PER2: variants seen among roughly 807,000 people sequenced by gnomAD.
PER2 encodes period circadian regulator 2.
Under a neutral mutation model 121.0 loss-of-function variants are expected in PER2, and 66 were observed. The observed-to-expected ratio is 0.55, with a 90% CI of 0.45 to 0.67. The LOEUF is 0.67. Among genes scored for constraint, PER2 ranks in the 30% least tolerant of loss-of-function variants. PER2 has a pLI of 0.00. For missense variants in PER2, 1,521 were observed against 1,635.0 expected, an observed-to-expected ratio of 0.93 and a Z score of 1.20; for synonymous variants, 684 against 659.9, an observed-to-expected ratio of 1.04 and a Z score of -0.56.
intron 4 of PER2, among the ~76,000 whole-genome samples, chr2:238,274,601 T>C (rs1559334015): frequency 6.6e-6 from 1 of 152,202 alleles, no homozygotes; most frequent in Admixed American, 6.5e-5. Context: ...ATGGACATAA[T>C]CACTGGAGAA....
Position 238,262,977 on chromosome 2 carries a change from G to C in PER2, c.1128C>G (p.Pro376=). ...VLVQLHPSDR[P]LMLAIHKKIL... is the part of the protein sequence containing the mutation. ...TCTTTTTGTGGATGGCCAGCATCAA[G>C]GGCCTGTCACTAGGGTGGAGCTGCA... is the stretch of plus-strand genomic sequence containing the variant. Residue 376 remains proline (P), a synonymous_variant, in exon 10 of 23, where the codon CCC becomes CCG. Coordinates refer to ENST00000254657, the MANE Select transcript of PER2 (RefSeq NM_022817.3). The C allele has an allele frequency of 6.2e-7, 1 of 1,613,312 alleles. No individual in the cohort carries two copies. Among genetic ancestry groups the C allele is most frequent in the South Asian group, 1.1e-5 (1 of 91,060 alleles).
At chr2:238,288,321 G>C (rs1053213180) in intron 1 of PER2, 28 bp downstream of exon 1, 9 of 152,112 alleles carry the variant, frequency 5.9e-5, no homozygotes, top group African/African-American at 2.2e-4. Flanking sequence ...TCACTCGGTA[G>C]CTCGGTGCCC....
Position 238,271,518 on chromosome 2 carries a change from AAAGG to A in PER2, c.571-9_571-6del. The stretch of plus-strand genomic sequence containing the variant: ...CACGGCCACCGCAAACATATCCTGA[AAAGG>A]AAGAGTAGGGCTCTGATGACAAGGT... On this transcript the variant is annotated splice_polypyrimidine_tract_variant and splice_region_variant and intron_variant, in intron 5 of 22. Coordinates refer to ENST00000254657, the MANE Select transcript of PER2 (RefSeq NM_022817.3). The A allele has an allele frequency of 6.2e-7, 1 of 1,607,976 alleles. No homozygotes were observed. The highest frequency in any genetic ancestry group is 8.5e-7 in the Non-Finnish European group (1 of 1,175,528).
At position 238,275,880 on chromosome 2, in the gene PER2, T is replaced by G. The variant is rs777381972; in HGVS notation, c.311A>C (p.Lys104Thr). The change falls in exon 4 of 23, where the codon AAA becomes ACA. Residue 104 changes from lysine to threonine, a missense_variant. By Grantham distance (78) the Lys-to-Thr change is moderately conservative (BLOSUM62 -1). Coordinates refer to ENST00000254657, the MANE Select transcript of PER2 (RefSeq NM_022817.3). ...TATCAGTTCTTTGTGTGTGTCCACT[T>G]TCGAAGACTGGTCGCTACTGCAGGA... ...TSGCSSDQSS[K>T]VDTHKELIKT... The G allele has an allele frequency of 8.1e-6, 13 of 1,614,220 alleles. No individual in the cohort carries two copies. The highest frequency in any genetic ancestry group is 1.0e-5 in the Non-Finnish European group (12 of 1,180,028).
intron 1 of PER2, among the ~76,000 whole-genome samples, chr2:238,286,649 T>C (rs1696797709): frequency 6.6e-6 from 1 of 152,212 alleles, no homozygotes; most frequent in South Asian, 2.1e-4. Context: ...TGGCTCCCTC[T>C]GCCAAACAGA....
chr2:238,266,088 T>G (rs191995400), intron 8 of PER2, among the ~76,000 whole-genome samples: 1 of 150,432 alleles, frequency 6.6e-6, no homozygotes, highest in Non-Finnish European at 1.5e-5. Flanking sequence ...TATTTTTAGT[T>G]GAGGTGGGGT....
At position 238,250,435 on chromosome 2, in the gene PER2, A is replaced by C. The variant is rs149057445; in HGVS notation, c.3467+116T>G. 1.6e-4 allele frequency: 119 copies of C among 761,716 alleles called. No individual in the cohort carries two copies. In the East Asian group the frequency reaches 3.2e-3, roughly 20 times the overall value. 47.2% of individuals were successfully genotyped at this position (761,716 alleles called of 1,614,324 possible). A position where few individuals can be genotyped will look rare whatever the true frequency, so the allele number is the denominator to read the frequency against. ...CTGCTTCTCTGCTGCACTCAGCTAA[A>C]TCTAAGTCTTTCAGAGGGGCGTCCC... On this transcript the variant is annotated intron_variant, in intron 21 of 22. Coordinates refer to ENST00000254657, the MANE Select transcript of PER2 (RefSeq NM_022817.3).
chr2:238,279,214 G>C (rs1001380159), intron 1 of PER2, among the ~76,000 whole-genome samples: 38 of 152,202 alleles, frequency 2.5e-4, no homozygotes, highest in African/African-American at 2.4e-5. Flanking sequence ...GCACTGGAGA[G>C]AGCCAGATGA....
In PER2 at chr2:238,256,975, C is replaced by T; in HGVS notation, c.2012G>A (p.Ser671Asn). 6.2e-7 allele frequency: 1 copy of T among 1,614,102 alleles called. No individual in the cohort carries two copies. Among genetic ancestry groups the T allele is most frequent in the Non-Finnish European group, 8.5e-7 (1 of 1,180,014 alleles). Residue 671 changes from serine to asparagine, a missense_variant, in exon 17 of 23, where the codon AGC (serine) becomes AAC (asparagine). Physicochemically the swap from Ser to Asn is conservative, Grantham distance 46. Coordinates refer to ENST00000254657, the MANE Select transcript of PER2 (RefSeq NM_022817.3). ...CACATGGACGATGGTGCTGCTGTAG[C>T]TGCACTGGCTGGTGAGCGACGCCAC... Reference protein sequence around the residue: ...ESVASLTSQCSYSSTIVHVGD... With the variant: ...ESVASLTSQCNYSSTIVHVGD...
chr2:238,266,394 C>T (rs1455889790), intron 8 of PER2, among the ~76,000 whole-genome samples: 1 of 151,716 alleles, frequency 6.6e-6, no homozygotes, highest in Non-Finnish European at 1.5e-5. Context: ...AGTGCCAGAC[C>T]ACAGGCATGA....
chr2:238,283,914 C>T (rs1696703948), intron 1 of PER2, among the ~76,000 whole-genome samples: 1 of 152,176 alleles, frequency 6.6e-6, no homozygotes, highest in Non-Finnish European at 1.5e-5. Context: ...TGATCAGAGG[C>T]AGCAGCAGAG....
chr2:238,275,533 A>G (rs1333706881), intron 4 of PER2, among the ~76,000 whole-genome samples: 1 of 152,204 alleles, frequency 6.6e-6, no homozygotes, highest in Non-Finnish European at 1.5e-5. Context: ...TACAAAAAAT[A>G]CAAGAATTAG....
At position 238,287,713 on chromosome 2, in the gene PER2, G is replaced by A. The variant is rs565123160; in HGVS notation, c.-20+636C>T. On this transcript the variant is annotated intron_variant, in intron 1 of 22. Coordinates refer to ENST00000254657, the MANE Select transcript of PER2 (RefSeq NM_022817.3). ...AGGGGTTACTCTGGGTGATTTTCAGGGTGCCTTCTGGCTCTGTTGTTCTGT... is the reference window on the plus strand; with the variant it reads ...AGGGGTTACTCTGGGTGATTTTCAGAGTGCCTTCTGGCTCTGTTGTTCTGT... Among the ~76,000 whole-genome samples the A allele has an allele frequency of 1.7e-4, 26 of 152,298 alleles. No individual in the cohort carries two copies. In the South Asian group the frequency reaches 4.6e-3, roughly 27 times the overall value.
chr2:238,263,846 T>C (rs1253913138), intron 9 of PER2, among the ~76,000 whole-genome samples: 2 of 152,140 alleles, frequency 1.3e-5, no homozygotes, highest in Non-Finnish European at 2.9e-5. Flanking sequence ...TGTCTGAGGC[T>C]CTCTCTTCAG....
chr2:238,263,239 A>G (rs1358458687), intron 9 of PER2, among the ~76,000 whole-genome samples, 181 bp from the exon 10 acceptor site: 1 of 151,108 alleles, frequency 6.6e-6, no homozygotes, highest in African/African-American at 2.4e-5. Flanking sequence ...TAGCAAACGA[A>G]GGTTCACTGT....
chr2:238,256,903 C>A lies in PER2; in HGVS notation c.2065+19G>T. The stretch of plus-strand genomic sequence containing the variant: ...TTAAAAATCAAACTGCTCTCTGATC[C>A]AAGAGCCCATAGTCATACCTAACTC... On this transcript the variant is annotated intron_variant, in intron 17 of 22. Transcript: ENST00000254657. 6.2e-7 allele frequency: 1 copy of A among 1,610,124 alleles called. No homozygotes were observed. The highest frequency in any genetic ancestry group is 8.5e-7 in the Non-Finnish European group (1 of 1,177,396).
At chr2:238,274,715 G>C (rs1056765769) in intron 4 of PER2, among the ~76,000 whole-genome samples, 11 of 152,210 alleles carry the variant, frequency 7.2e-5, no homozygotes, top group Non-Finnish European at 1.5e-4. Flanking sequence ...CTCCATGGTG[G>C]GGTGCTCATC....
chr2:238,288,839 G>A (rs1172159619), upstream of PER2, among the ~76,000 whole-genome samples: 1 of 151,988 alleles, frequency 6.6e-6, no homozygotes, highest in Non-Finnish European at 1.5e-5. Flanking sequence ...CCCGGCCTCC[G>A]CCATTGGCCG....
upstream of PER2, among the ~76,000 whole-genome samples, chr2:238,292,126 C>T (rs1028913823): frequency 4.6e-5 from 7 of 152,166 alleles, no homozygotes; most frequent in African/African-American, 1.7e-4. Context: ...TCACTGCACT[C>T]CAGGCTGGGC....
Sources: allele counts gnomAD v4.1 joint callset (sites outside exome capture counted in the v4.1 genomes callset), GRCh38; gene constraint gnomAD v4.1.1; transcripts MANE v1.5; gene names NCBI Gene and HGNC (gene_info 2026-07-23, HGNC 2026-07-21).